The following MAP4K4 variants were observed in gnomAD, a reference collection of about 807,000 sequenced individuals.
MAP4K4 encodes the protein HPK/GCK-like kinase HGK.
A neutral mutation model predicts 189.6 loss-of-function variants in MAP4K4; 38 were observed. The ratio of observed to expected loss-of-function variants is 0.20; its 90% CI spans 0.15 to 0.26. The LOEUF (loss-of-function observed/expected upper bound fraction) is 0.26, where lower values mean the gene tolerates loss of function less well. Ranked by LOEUF, MAP4K4 falls within the 10% of genes least tolerant of loss-of-function variation. The probability of loss-of-function intolerance (pLI) is 1.00; values close to 1 mark genes in which losing one functional copy is unlikely to be tolerated. For missense variants in MAP4K4, 1,054 were observed against 1,726.9 expected, an observed-to-expected ratio of 0.61 and a Z score of 6.91; for synonymous variants, 610 against 624.3, an observed-to-expected ratio of 0.98 and a Z score of 0.34.
intron 2 of MAP4K4, among the ~76,000 whole-genome samples, chr2:101,706,886 C>T (rs1448888792): frequency 6.6e-6 from 1 of 152,210 alleles, no homozygotes; most frequent in East Asian, 1.9e-4. Flanking sequence ...ATCACTGCCT[C>T]ATCTTCTCTT....
chr2:101,799,243 T>C (rs936389977), intron 3 of MAP4K4, among the ~76,000 whole-genome samples: 14 of 152,228 alleles, frequency 9.2e-5, no homozygotes, highest in African/African-American at 3.1e-4. Flanking sequence ...TAATGCCTAC[T>C]TCAGAGGCTT....
At chr2:101,767,074 C>G (rs535938569) in intron 2 of MAP4K4, among the ~76,000 whole-genome samples, 193 of 152,272 alleles carry the variant, frequency 1.3e-3, no homozygotes, top group Non-Finnish European at 2.3e-3. Flanking sequence ...CGTAACTAAT[C>G]AGAGTTTGAA....
At chr2:101,890,704 G>A (rs756760756) in intron 32 of MAP4K4, among the ~76,000 whole-genome samples, 1 of 151,886 alleles carries the variant, frequency 6.6e-6, no homozygotes, top group East Asian at 1.9e-4. Context: ...GTCCGCCTAC[G>A]TCGGCCTCCC....
intron 2 of MAP4K4, among the ~76,000 whole-genome samples, chr2:101,768,768 C>G (rs192424662): frequency 6.6e-6 from 1 of 152,134 alleles, no homozygotes; most frequent in South Asian, 2.1e-4. Context: ...GTTTTAGGAG[C>G]CTGTTTGATT....
intron 13 of MAP4K4, among the ~76,000 whole-genome samples, chr2:101,857,596 G>A (rs2097516703): frequency 6.6e-6 from 1 of 152,118 alleles, no homozygotes; most frequent in African/African-American, 2.4e-5. Flanking sequence ...GCCTTGCTAG[G>A]GTAGGTATTG....
chr2:101,713,159 C>T (rs1328683288), intron 2 of MAP4K4, among the ~76,000 whole-genome samples: 4 of 151,840 alleles, frequency 2.6e-5, no homozygotes, highest in South Asian at 4.1e-4. Flanking sequence ...CCCACCTCCT[C>T]GGCCTCCCAA....
intron 2 of MAP4K4, among the ~76,000 whole-genome samples, chr2:101,705,763 T>C (rs1018009697): frequency 6.6e-6 from 1 of 152,194 alleles, no homozygotes; most frequent in Admixed American, 6.5e-5. Flanking sequence ...AGGATTGAAT[T>C]TGTAGCAGGG....
At chr2:101,769,584 T>C (rs2080310180) in intron 2 of MAP4K4, among the ~76,000 whole-genome samples, 1 of 152,040 alleles carries the variant, frequency 6.6e-6, no homozygotes, top group African/African-American at 2.4e-5. Context: ...CAGAAATGTC[T>C]TTTTCTTTTT....
At chr2:101,729,513 A>G (rs1273333369) in intron 2 of MAP4K4, among the ~76,000 whole-genome samples, 1 of 152,216 alleles carries the variant, frequency 6.6e-6, no homozygotes, top group Non-Finnish European at 1.5e-5. Flanking sequence ...TTTGAAAGCT[A>G]CTGTACTGGG....
exon 1 of MAP4K4, chr2:101,697,814 G>T (rs1401500628): frequency 6.9e-6 from 1 of 144,964 alleles, no homozygotes; most frequent in South Asian, 2.1e-4. Context: ...ACGCCCGGGG[G>T]CCTGACGGCC....
exon 24 of MAP4K4, chr2:101,871,639 C>G: frequency 6.5e-7 from 1 of 1,536,842 alleles, no homozygotes; most frequent in Non-Finnish European, 8.7e-7. Context: ...CAGCCGACAC[C>G]CACCATGTCC....
At position 101,858,985 on chromosome 2, in the gene MAP4K4, C is replaced by G. The variant is rs778499376; in HGVS notation, c.1396-11C>G. 2.5e-6 allele frequency: 4 copies of G among 1,600,922 alleles called. No individual in the cohort carries two copies. Among genetic ancestry groups the G allele is most frequent in the Non-Finnish European group, 1.7e-6 (2 of 1,170,266 alleles). ...GGATAATTTGATTGCTGGGTGATTT[C>G]TGTGTGACAGGAGTATATCAGGCGA... On this transcript the variant is annotated splice_polypyrimidine_tract_variant and intron_variant, in intron 13 of 32. Coordinates refer to ENST00000324219, the Ensembl canonical transcript of MAP4K4.
At chr2:101,738,693 C>T (rs983825774) in intron 2 of MAP4K4, among the ~76,000 whole-genome samples, 2 of 151,974 alleles carry the variant, frequency 1.3e-5, no homozygotes, top group East Asian at 1.9e-4. Context: ...GGTGTTGCTT[C>T]CTTGAAGATC....
chr2:101,727,001 C>G (rs1452175944), intron 2 of MAP4K4, among the ~76,000 whole-genome samples: 1 of 152,126 alleles, frequency 6.6e-6, no homozygotes, highest in Non-Finnish European at 1.5e-5. Flanking sequence ...ACTCATGTCT[C>G]TTTTCCTCTT....
intron 2 of MAP4K4, among the ~76,000 whole-genome samples, chr2:101,725,387 C>CAAAAAA (rs547130880): frequency 1.8e-5 from 2 of 110,960 alleles, no homozygotes; most frequent in Non-Finnish European, 1.9e-5. Context: ...AAAAGATAAG[C>CAAAAAA]AAAAAAAAAA....
At chr2:101,873,495 T>C (rs888859066) in intron 24 of MAP4K4, among the ~76,000 whole-genome samples, 152 bp from the exon 25 acceptor site, 1 of 152,158 alleles carries the variant, frequency 6.6e-6, no homozygotes, top group Non-Finnish European at 1.5e-5. Flanking sequence ...ACGTGGAAGC[T>C]CCCCGCAGAG....
At chr2:101,751,146 G>T (rs2068736049) in intron 2 of MAP4K4, among the ~76,000 whole-genome samples, 1 of 152,198 alleles carries the variant, frequency 6.6e-6, no homozygotes, top group Non-Finnish European at 1.5e-5. Context: ...TTTCAGCTAT[G>T]CATTGGCATT....
chr2:101,711,074 G>A (rs2045233838), intron 2 of MAP4K4, among the ~76,000 whole-genome samples: 1 of 152,128 alleles, frequency 6.6e-6, no homozygotes, highest in African/African-American at 2.4e-5. Context: ...TGTCTTATGA[G>A]CAATATCTGG....
At chr2:101,770,034 A>G (rs981113247) in intron 2 of MAP4K4, among the ~76,000 whole-genome samples, 3 of 152,156 alleles carry the variant, frequency 2.0e-5, no homozygotes, top group African/African-American at 7.2e-5. Context: ...TAATCAGCAA[A>G]ATTATATTTC....
Sources: gnomAD v4.1 joint callset for allele counts (sites outside exome capture counted in the v4.1 genomes callset) on GRCh38, gnomAD v4.1.1 for gene constraint, MANE v1.5 for transcripts, NCBI Gene and HGNC (gene_info 2026-07-23, HGNC 2026-07-21) for gene names.